The following KBTBD11 variants were observed in gnomAD, a reference collection of about 807,000 sequenced individuals.
KBTBD11 encodes the protein kelch repeat and BTB domain-containing protein 11.
For missense variants in KBTBD11, 1,390 were observed against 1,001.8 expected (o/e 1.39, Z -5.23); for synonymous variants, 747 against 499.0 (o/e 1.50, Z -6.63).
intron 1 of KBTBD11, among the ~76,000 whole-genome samples, chr8:1,978,575 C>T (rs770248997): frequency 2.6e-5 from 4 of 152,214 alleles, no homozygotes; most frequent in South Asian, 2.1e-4. Flanking sequence ...CCTGAGAAAA[C>T]AGCCAGGTGG....
Position 2,001,874 on chromosome 8 carries a change from G to T in KBTBD11, c.682G>T (p.Gly228Trp), listed in dbSNP as rs550216503. 10 of 1,334,422 alleles carry T rather than the reference G, an allele frequency of 7.5e-6. No individual in the cohort carries two copies. The East Asian group carries it at 3.3e-4, about 44-fold the overall frequency. The allele number at this position is 1,334,422 out of a possible 1,614,324, so 82.7% of individuals were successfully genotyped here. A position where few individuals can be genotyped will look rare whatever the true frequency, so the allele number is the denominator to read the frequency against. Residue 228 changes from glycine (G) to tryptophan (W), a missense_variant, in exon 2 of 2, where the codon GGG becomes TGG. Gly to Trp is a radical substitution (Grantham distance 184). Transcript: ENST00000320248. ...GAAQRATDAV[G>W]PQLSLANCYE... is the part of the protein sequence containing the mutation. Reference sequence around the variant, plus strand: ...CGCGCAGCGCGCCACCGACGCCGTGGGGCCGCAGCTGAGCCTGGCCAACTG... The same window carrying T: ...CGCGCAGCGCGCCACCGACGCCGTGTGGCCGCAGCTGAGCCTGGCCAACTG...
intron 1 of KBTBD11, among the ~76,000 whole-genome samples, chr8:1,984,118 G>A (rs1816631687): frequency 6.6e-6 from 1 of 151,746 alleles, no homozygotes; most frequent in African/African-American, 2.4e-5. Flanking sequence ...GCGACCGTCT[G>A]AAAAAAATTT....
At chr8:2,000,210 G>T (rs1158229237) in intron 1 of KBTBD11, 75 bp from the exon 2 acceptor site, 1 of 152,234 alleles carries the variant, frequency 6.6e-6, no homozygotes, top group Non-Finnish European at 1.5e-5. Context: ...AGAGGGAAGG[G>T]TGGTAGACTC....
chr8:1,975,836 C>T (rs1054169354), intron 1 of KBTBD11: 4 of 152,182 alleles, frequency 2.6e-5, no homozygotes, highest in African/African-American at 9.7e-5. Context: ...TGGAGCTTAT[C>T]GCATCATTTG....
intron 1 of KBTBD11, among the ~76,000 whole-genome samples, chr8:1,993,958 C>CACAAAAAAAA (rs1554527404): frequency 2.0e-5 from 3 of 148,240 alleles, no homozygotes; most frequent in East Asian, 2.0e-4. Context: ...CACACACACA[C>CACAAAAAAAA]AAAACCCCAT....
intron 1 of KBTBD11, among the ~76,000 whole-genome samples, chr8:1,994,934 C>G (rs1817076663): frequency 6.6e-6 from 1 of 151,960 alleles, no homozygotes; most frequent in Non-Finnish European, 1.5e-5. Flanking sequence ...TGGTGGGTGC[C>G]TATAATCCCA....
chr8:1,989,551 C>A (rs546272306), intron 1 of KBTBD11, among the ~76,000 whole-genome samples: 7 of 152,318 alleles, frequency 4.6e-5, no homozygotes, highest in African/African-American at 1.7e-4. Context: ...CACTAAGCTC[C>A]ATACCGCATG....
In KBTBD11 at chr8:1,973,749, C is replaced by G; in HGVS notation, c.-1095C>G. 1.0e-6 allele frequency: 1 copy of G among 983,832 alleles called. No individual in the cohort carries two copies. Among genetic ancestry groups the G allele is most frequent in the Non-Finnish European group, 1.2e-6 (1 of 829,378 alleles). 60.9% of individuals were successfully genotyped at this position (983,832 alleles called of 1,614,324 possible). A position where few individuals can be genotyped will look rare whatever the true frequency, so the allele number is the denominator to read the frequency against. On this transcript the variant is annotated 5_prime_UTR_variant, in exon 1 of 2. Coordinates refer to ENST00000320248, the MANE Select transcript of KBTBD11 (RefSeq NM_014867.3). ...GCGCGGCCTGGAGAGGCGGAGAGGC[C>G]TGTCCACCGCCCCCTCTGCCGCCCA... is the stretch of plus-strand genomic sequence containing the variant.
chr8:2,001,294 C>A lies in KBTBD11; in HGVS notation c.102C>A (p.Pro34=). 6.6e-7 allele frequency: 1 copy of A among 1,525,556 alleles called. No homozygotes were observed. Among genetic ancestry groups the A allele is most frequent in the Admixed American group, 1.9e-5 (1 of 51,906 alleles). The allele number at this position is 1,525,556 out of a possible 1,614,324, so 94.5% of individuals were successfully genotyped here. ...GCGCCGCGTCCCCGGCGCAGACACC[C>A]TGCAGTCTCGGCGCGTCCCTGTGCT... ...SEGAASPAQT[P]CSLGASLCFS... The change falls in exon 2 of 2, where the codon CCC becomes CCA. Residue 34 remains proline, a synonymous_variant. Transcript: ENST00000320248.
intron 1 of KBTBD11, among the ~76,000 whole-genome samples, chr8:1,998,271 T>C (rs1365860302): frequency 6.6e-6 from 1 of 152,224 alleles, no homozygotes; most frequent in Non-Finnish European, 1.5e-5. Context: ...AGCCTCCTTG[T>C]TGGCACAGCA....
chr8:1,988,066 C>CA (rs1816761964), intron 1 of KBTBD11, among the ~76,000 whole-genome samples: 1 of 152,146 alleles, frequency 6.6e-6, no homozygotes, highest in Admixed American at 6.5e-5. Flanking sequence ...ATGAACTCAT[C>CA]CTTTTTATGG....
chr8:2,001,603 C>G lies in KBTBD11; in HGVS notation c.411C>G (p.Tyr137Ter), dbSNP rs1248716592. The G allele has an allele frequency of 6.8e-7, 1 of 1,472,806 alleles. No individual in the cohort carries two copies. The highest frequency in any genetic ancestry group is 8.9e-7 in the Non-Finnish European group (1 of 1,117,386). 91.2% of individuals were successfully genotyped at this position (1,472,806 alleles called of 1,614,324 possible). Reference protein sequence around the residue: ...APVPPGFGAVYGEPDLVLEVS... With the variant: ...APVPPGFGAV ...TACCCCCGGGGTTCGGGGCGGTGTA[C>G]GGGGAGCCGGACCTGGTGCTGGAGG... The change falls in exon 2 of 2, where the codon TAC (tyrosine) becomes TAG (stop). Residue 137 changes from tyrosine to a stop codon, truncating the protein, a stop_gained. Coordinates refer to ENST00000320248, the MANE Select transcript of KBTBD11 (RefSeq NM_014867.3). LOFTEE classifies it low-confidence loss of function (END_TRUNC).
At chr8:1,980,855 C>G in intron 1 of KBTBD11, among the ~76,000 whole-genome samples, 1 of 152,202 alleles carries the variant, frequency 6.6e-6, no homozygotes, top group Non-Finnish European at 1.5e-5. Context: ...TCTGCTCAAG[C>G]TGAATGACCA....
At chr8:1,993,454 C>T (rs1476763892) in intron 1 of KBTBD11, among the ~76,000 whole-genome samples, 2 of 150,258 alleles carry the variant, frequency 1.3e-5, no homozygotes, top group African/African-American at 4.9e-5. Flanking sequence ...TCTATCCATC[C>T]AATCACCCAT....
intron 1 of KBTBD11, among the ~76,000 whole-genome samples, chr8:1,974,144 G>C (rs1335406486): frequency 7.8e-6 from 1 of 129,012 alleles, no homozygotes; most frequent in African/African-American, 2.9e-5. Context: ...GGAGGGGAGG[G>C]GGGACCGGGA....
chr8:1,995,588 C>G (rs1817106848), intron 1 of KBTBD11, among the ~76,000 whole-genome samples: 1 of 152,094 alleles, frequency 6.6e-6, no homozygotes, highest in South Asian at 2.1e-4. Context: ...AGTGATGGCA[C>G]CGACTCCCTT....
At chr8:1,985,448 C>G (rs1331580084) in intron 1 of KBTBD11, among the ~76,000 whole-genome samples, 1 of 152,294 alleles carries the variant, frequency 6.6e-6, no homozygotes, top group Non-Finnish European at 1.5e-5. Context: ...AGGGGAGATG[C>G]TCTTCCACAG....
chr8:2,001,211 C>A lies in KBTBD11; in HGVS notation c.19C>A (p.Pro7Thr), dbSNP rs1257726221. The change falls in exon 2 of 2, where the codon CCC (proline) becomes ACC (threonine). Residue 7 changes from proline (P) to threonine (T), a missense_variant. By Grantham distance (38) the Pro-to-Thr change is conservative (BLOSUM62 -1). Coordinates refer to ENST00000320248, the MANE Select transcript of KBTBD11 (RefSeq NM_014867.3). ...CCCGGCCATGGAGCACGCGGTGGCC[C>A]CCTGCGTCCTCTACCCAGGGACTGA... MEHAVA[P>T]CVLYPGTEPG... The A allele has an allele frequency of 1.4e-6, 2 of 1,399,272 alleles. No homozygotes were observed. The highest frequency in any genetic ancestry group is 1.9e-6 in the Non-Finnish European group (2 of 1,074,562). The allele number at this position is 1,399,272 out of a possible 1,614,324, so 86.7% of individuals were successfully genotyped here.
rs1169770728 is a variant in KBTBD11 at position 2,002,289 on chromosome 8, G to T, written c.1097G>T (p.Gly366Val). The T allele has an allele frequency of 3.8e-6, 5 of 1,332,546 alleles. No individual in the cohort carries two copies. The highest frequency in any genetic ancestry group is 3.3e-5 in the East Asian group (1 of 30,754). 82.5% of individuals were successfully genotyped at this position (1,332,546 alleles called of 1,614,324 possible). The change falls in exon 2 of 2, where the codon GGC becomes GTC. Residue 366 changes from glycine to valine, a missense_variant. Transcript: ENST00000320248. This position sits in a 1 kb window ranked among gnomAD's most constrained non-coding sequence, Gnocchi z 4.1. Reference sequence around the variant, plus strand: ...TACAACTACCTCTTCGTGGCGGGCGGCGTGGCGCCCGCGGGCCCCGACGGC... The same window carrying T: ...TACAACTACCTCTTCGTGGCGGGCGTCGTGGCGCCCGCGGGCCCCGACGGC... ...VLYNYLFVAG[G>V]VAPAGPDGRA...
Sources: allele counts gnomAD v4.1 joint callset (sites outside exome capture counted in the v4.1 genomes callset), GRCh38; gene constraint gnomAD v4.1.1; non-coding constraint Gnocchi (gnomAD v3.1); transcripts MANE v1.5; gene names NCBI Gene and HGNC (gene_info 2026-07-23, HGNC 2026-07-21).